ALDH5A1: variants seen among roughly 807,000 people sequenced by gnomAD.
The protein encoded by ALDH5A1 is succinate-semialdehyde dehydrogenase, mitochondrial.
Under a neutral mutation model 54.7 loss-of-function variants are expected in ALDH5A1, and 33 were observed. The observed-to-expected ratio is 0.60, with a 90% CI of 0.46 to 0.81. ALDH5A1 has a LOEUF of 0.81. Among genes scored for constraint, ALDH5A1 ranks in the 30% least tolerant of loss-of-function variants. The pLI is 0.00. For synonymous variants in ALDH5A1, 294 were observed against 292.7 expected, an observed-to-expected ratio of 1.00 and a Z score of -0.05; for missense variants, 657 against 711.0, an observed-to-expected ratio of 0.92 and a Z score of 0.86.
intron 1 of ALDH5A1, among the ~76,000 whole-genome samples, chr6:24,499,113 A>G (rs1172499818): frequency 5.3e-5 from 8 of 151,598 alleles, no homozygotes; most frequent in African/African-American, 1.7e-4. Context: ...AAAAAAAAAA[A>G]AAAAAAGAAA....
chr6:24,517,260 C>T (rs1342267916), intron 5 of ALDH5A1, among the ~76,000 whole-genome samples: 1 of 152,194 alleles, frequency 6.6e-6, no homozygotes, highest in East Asian at 1.9e-4. Context: ...CCCTCCTTGG[C>T]CTCCCAAAGT....
intron 4 of ALDH5A1, among the ~76,000 whole-genome samples, chr6:24,508,013 C>T (rs1759390076): frequency 6.6e-6 from 1 of 152,030 alleles, no homozygotes; most frequent in South Asian, 2.1e-4. Flanking sequence ...TTAGCTCCCA[C>T]TTATGAGTGA....
intron 4 of ALDH5A1, chr6:24,511,715 C>T: frequency 2.5e-6 from 1 of 400,030 alleles, no homozygotes; most frequent in Non-Finnish European, 4.4e-6. Context: ...GAAAACTTCT[C>T]CCCTTATTTC....
Position 24,515,257 on chromosome 6 carries a change from A to G in ALDH5A1, c.817A>G (p.Thr273Ala), listed in dbSNP as rs749028091. The change falls in exon 5 of 10, where the codon ACT becomes GCT. Residue 273 changes from threonine to alanine, a missense_variant. By Grantham distance (58) the Thr-to-Ala change is moderately conservative. Transcript: ENST00000357578. ...NAKEVGEAIC[T>A]DPLVSKISFT... ...CAAGGAAGTAGGGGAGGCAATTTGT[A>G]CTGATCCTCTGGTGTCCAAAATTTC... 3 of 1,614,088 alleles carry G rather than the reference A, an allele frequency of 1.9e-6. No homozygotes were observed. The highest frequency in any genetic ancestry group is 2.2e-5 in the South Asian group (2 of 91,082).
chr6:24,500,856 A>G (rs1007211931), intron 1 of ALDH5A1, among the ~76,000 whole-genome samples: 2 of 152,208 alleles, frequency 1.3e-5, no homozygotes, highest in East Asian at 3.9e-4. Flanking sequence ...AGGGTCAGTT[A>G]GCATGAGCAA....
intron 7 of ALDH5A1, among the ~76,000 whole-genome samples, chr6:24,523,232 GTA>G (rs1349625141): frequency 6.8e-6 from 1 of 147,954 alleles, no homozygotes; most frequent in Non-Finnish European, 1.5e-5. Context: ...AGAGTATAGA[GTA>G]TGAGAGATCT....
At chr6:24,524,070 C>T (rs1379225561) in intron 7 of ALDH5A1, among the ~76,000 whole-genome samples, 7 of 150,668 alleles carry the variant, frequency 4.6e-5, no homozygotes, top group Admixed American at 6.6e-5. Context: ...CTGCAACCTC[C>T]GCCCCACTGA....
At chr6:24,527,577 C>CAAAT (rs140565872) in intron 7 of ALDH5A1, among the ~76,000 whole-genome samples, 1 of 151,910 alleles carries the variant, frequency 6.6e-6, no homozygotes, top group East Asian at 1.9e-4. Context: ...ATCTCAAAAA[C>CAAAT]AAATAAATAA....
In ALDH5A1 at chr6:24,506,243, C is replaced by CTTTTTTTTTTTT. The variant is rs70974913; in HGVS notation, c.726+1277_726+1288dup. Among the ~76,000 whole-genome samples, 367 of 52,150 alleles carry CTTTTTTTTTTTT rather than the reference C, an allele frequency of 7.0e-3. 92 individuals carry two copies. Among genetic ancestry groups the CTTTTTTTTTTTT allele is most frequent in the Non-Finnish European group, 9.1e-3 (266 of 29,124 alleles). 34.2% of individuals were successfully genotyped at this position (52,150 alleles called of 152,430 possible). ...TCTGCACCTCCTTCTTTCCTGGTTC[C>CTTTTTTTTTTTT]TTTTTTTTTTTTTTTTTTTTTTTTT... On this transcript the variant is annotated intron_variant, in intron 4 of 9. Transcript: ENST00000357578.
Position 24,511,364 on chromosome 6 carries a change from G to C in ALDH5A1, c.727-3803G>C, listed in dbSNP as rs183347871. On this transcript the variant is annotated intron_variant, in intron 4 of 9. Transcript: ENST00000357578. Reference sequence around the variant, plus strand: ...GTGCTTCTTGTATTTGGATGTCTAGGTCTCTAGCAAGGCTGGAGAAGTTTT... The same window carrying C: ...GTGCTTCTTGTATTTGGATGTCTAGCTCTCTAGCAAGGCTGGAGAAGTTTT... Among the ~76,000 whole-genome samples the C allele has an allele frequency of 1.3e-4, 20 of 152,180 alleles. No homozygotes were observed. The East Asian group carries it at 3.5e-3, about 26-fold the overall frequency.
rs1032452601 is a variant in ALDH5A1, at chr6:24,534,210, G to T, written c.*498G>T. 7 of 167,910 alleles carry T rather than the reference G, an allele frequency of 4.2e-5. No homozygotes were observed. In the South Asian group the frequency reaches 1.0e-3, roughly 25 times the overall value. 10.4% of individuals were successfully genotyped at this position (167,910 alleles called of 1,614,324 possible). On this transcript the variant is annotated 3_prime_UTR_variant, in exon 10 of 10. Coordinates refer to ENST00000357578, the MANE Select transcript of ALDH5A1 (RefSeq NM_001080.3). ...ACAGAAGACACCGAATGTGCATCTG[G>T]AGGTGTTGCGGCAGAGGTTTGAGTG... is the stretch of plus-strand genomic sequence containing the variant.
intron 7 of ALDH5A1, among the ~76,000 whole-genome samples, chr6:24,526,974 G>GTGTATATATA (rs1410523920): frequency 9.8e-5 from 3 of 30,610 alleles, no homozygotes; most frequent in South Asian, 7.7e-4. Context: ...ATGTGTGTGT[G>GTGTATATATA]TATATATATA....
chr6:24,514,983 G>A (rs1759535060), intron 4 of ALDH5A1, among the ~76,000 whole-genome samples, 184 bp from the exon 5 acceptor site: 1 of 151,706 alleles, frequency 6.6e-6, no homozygotes, highest in Non-Finnish European at 1.5e-5. Flanking sequence ...ATATTAACGT[G>A]ACTTTAGCAC....
chr6:24,505,355 CTCAAGTGGCCTCTTGTG>C (rs1373770250), intron 4 of ALDH5A1, among the ~76,000 whole-genome samples: 1 of 152,164 alleles, frequency 6.6e-6, no homozygotes, highest in Non-Finnish European at 1.5e-5. Flanking sequence ...GTTTGAAAAC[CTCAAGTGGCCTCTTGTG>C]TCACTCACTC....
chr6:24,496,638 T>C (rs1214357784), intron 1 of ALDH5A1, among the ~76,000 whole-genome samples: 1 of 152,212 alleles, frequency 6.6e-6, no homozygotes, highest in African/African-American at 2.4e-5. Context: ...AATTTTAGAC[T>C]CATGGAGTCT....
intron 5 of ALDH5A1, among the ~76,000 whole-genome samples, chr6:24,519,248 T>TG (rs1404173281): frequency 6.6e-6 from 1 of 151,924 alleles, no homozygotes; most frequent in Non-Finnish European, 1.5e-5. Context: ...AGCCATGCAG[T>TG]GGAATACTAT....
chr6:24,496,780 CAGG>C (rs904262651), intron 1 of ALDH5A1, among the ~76,000 whole-genome samples: 7 of 152,188 alleles, frequency 4.6e-5, no homozygotes, highest in Admixed American at 6.5e-5. Flanking sequence ...CTTTTAAAAA[CAGG>C]AGTCAGATTG....
rs778127154 is a variant in ALDH5A1 at position 24,515,258 on chromosome 6, CT to C, written c.819del (p.Asp274IlefsTer27). The C allele has an allele frequency of 1.1e-5, 18 of 1,614,088 alleles. No homozygotes were observed. The Admixed American group carries it at 3.0e-4, about 27-fold the overall frequency. ...NAKEVGEAICTDPLVSKISFT... is the reference protein window; with the variant it reads ...NAKEVGEAICXDPLVSKISFT... ...AAGGAAGTAGGGGAGGCAATTTGTACTGATCCTCTGGTGTCCAAAATTTCCT... is the reference window on the plus strand; with the variant it reads ...AAGGAAGTAGGGGAGGCAATTTGTACGATCCTCTGGTGTCCAAAATTTCCT... On this transcript the variant is annotated frameshift_variant, in exon 5 of 10. Transcript: ENST00000357578. LOFTEE classifies it high-confidence loss of function.
chr6:24,526,169 T>TC (rs1225854597), intron 7 of ALDH5A1, among the ~76,000 whole-genome samples: 1 of 152,006 alleles, frequency 6.6e-6, no homozygotes, highest in Non-Finnish European at 1.5e-5. Flanking sequence ...TGTGTGTGTG[T>TC]CCCCCAAACA....
Sources: gnomAD v4.1 joint callset for allele counts (sites outside exome capture counted in the v4.1 genomes callset) on GRCh38, gnomAD v4.1.1 for gene constraint, MANE v1.5 for transcripts, NCBI Gene and HGNC (gene_info 2026-07-23, HGNC 2026-07-21) for gene names.